Variants in AFG1L observed in about 807,000 individuals in gnomAD.
The protein encoded by AFG1L is AFG1 like ATPase, also known as AFG1-like ATPase.
A neutral mutation model predicts 62.2 loss-of-function variants in AFG1L; 53 were observed. That is an observed-to-expected ratio of 0.85 (90% CI 0.68 to 1.07). The LOEUF (loss-of-function observed/expected upper bound fraction) is 1.07. Among genes scored for constraint, AFG1L ranks in the 50% least tolerant of loss-of-function variants. The pLI is 0.00. For missense variants in AFG1L, 555 were observed against 590.5 expected (o/e 0.94, Z 0.62); for synonymous variants, 228 against 210.3 (o/e 1.08, Z -0.73).
intron 3 of AFG1L, among the ~76,000 whole-genome samples, chr6:108,351,006 G>A (rs1051071116): frequency 1.3e-5 from 2 of 152,204 alleles, no homozygotes; most frequent in African/African-American, 4.8e-5. Flanking sequence ...ACTGTAGGCA[G>A]TTGTAACGCT....
intron 10 of AFG1L, among the ~76,000 whole-genome samples, chr6:108,497,959 C>T (rs986903031): frequency 6.6e-6 from 1 of 152,136 alleles, no homozygotes; most frequent in Non-Finnish European, 1.5e-5. Context: ...TGGGGGAGTT[C>T]TTTGGATCTC....
At chr6:108,433,523 G>T (rs1027248350) in intron 7 of AFG1L, among the ~76,000 whole-genome samples, 9 of 151,886 alleles carry the variant, frequency 5.9e-5, no homozygotes, top group African/African-American at 1.7e-4. Flanking sequence ...CTGACCTTAG[G>T]TAATCCACCC....
At chr6:108,463,620 G>T (rs1245957907) in intron 8 of AFG1L, among the ~76,000 whole-genome samples, 1 of 152,044 alleles carries the variant, frequency 6.6e-6, no homozygotes, top group Admixed American at 6.6e-5. Context: ...GAGAGCTAAG[G>T]GTGCTAGATA....
intron 2 of AFG1L, among the ~76,000 whole-genome samples, chr6:108,328,895 C>G (rs190488741): frequency 1.3e-3 from 202 of 152,198 alleles, no homozygotes; most frequent in African/African-American, 4.6e-3. Flanking sequence ...TAGTGAATAA[C>G]CCTGGTTTTA....
chr6:108,475,705 C>T (rs753899122), intron 8 of AFG1L, among the ~76,000 whole-genome samples: 4 of 152,152 alleles, frequency 2.6e-5, no homozygotes, highest in Non-Finnish European at 5.9e-5. Flanking sequence ...GTGGTTATTA[C>T]TTGGAATGTG....
intron 10 of AFG1L, 137 bp from the exon 11 acceptor site, chr6:108,510,075 G>T: frequency 1.7e-6 from 1 of 585,864 alleles, no homozygotes; most frequent in Non-Finnish European, 2.9e-6. Flanking sequence ...ACTGCCTATG[G>T]GTAACTTGGT....
At chr6:108,321,386 C>T (rs1562473158) in intron 1 of AFG1L, among the ~76,000 whole-genome samples, 1 of 152,146 alleles carries the variant, frequency 6.6e-6, no homozygotes, top group Non-Finnish European at 1.5e-5. Flanking sequence ...CAGAAGTTCT[C>T]CAAGTCTCCT....
In AFG1L at chr6:108,382,686, G is replaced by A. The variant is rs74665125; in HGVS notation, c.748+16354G>A. 6.1e-3 allele frequency among the ~76,000 whole-genome samples: 932 copies of A among 152,262 alleles called. 10 individuals carry two copies. The highest frequency in any genetic ancestry group is 0.021 in the African/African-American group (867 of 41,546). Reference sequence around the variant, plus strand: ...TAAAAAGTCTGAATTATGCTTAGCAGGGAAACTATGGAGGCATTTCTGTCA... The same window carrying A: ...TAAAAAGTCTGAATTATGCTTAGCAAGGAAACTATGGAGGCATTTCTGTCA... On this transcript the variant is annotated intron_variant, in intron 6 of 12. Coordinates refer to ENST00000368977, the MANE Select transcript of AFG1L (RefSeq NM_145315.5).
intron 8 of AFG1L, among the ~76,000 whole-genome samples, chr6:108,449,748 C>A (rs193109811): frequency 2.1e-3 from 318 of 152,114 alleles, no homozygotes; most frequent in African/African-American, 7.4e-3. Flanking sequence ...CTATCCCTTC[C>A]CCCTCTCCCC....
intron 7 of AFG1L, among the ~76,000 whole-genome samples, chr6:108,442,989 G>A (rs1177230012): frequency 6.6e-6 from 1 of 152,184 alleles, no homozygotes; most frequent in Non-Finnish European, 1.5e-5. Flanking sequence ...AACCCAGGAT[G>A]CACTTTCAGG....
Position 108,323,888 on chromosome 6 carries a change from C to G in AFG1L, c.203C>G (p.Ala68Gly), listed in dbSNP as rs777147675. 1 of 1,614,138 alleles carries G rather than the reference C, an allele frequency of 6.2e-7. No homozygotes were observed. Residue 68 changes from alanine to glycine, a missense_variant, in exon 2 of 13, where the codon GCT (alanine) becomes GGT (glycine). Coordinates refer to ENST00000368977, the MANE Select transcript of AFG1L (RefSeq NM_145315.5). ...GCCACTTCAGAGACTTATTTGAAAG[C>G]TTTGGCCGTTTGCCATGGACCTCTG... The part of the protein sequence containing the change: ...PTATSETYLK[A>G]LAVCHGPLDH...
At chr6:108,317,887 G>A (rs1777664874) in intron 1 of AFG1L, among the ~76,000 whole-genome samples, 1 of 152,166 alleles carries the variant, frequency 6.6e-6, no homozygotes, top group Non-Finnish European at 1.5e-5. Flanking sequence ...TCATAGTTTT[G>A]TAAAGACAGT....
chr6:108,327,133 T>A (rs1410779002), intron 2 of AFG1L, among the ~76,000 whole-genome samples: 3 of 152,252 alleles, frequency 2.0e-5, no homozygotes, highest in Non-Finnish European at 2.9e-5. Context: ...GTAATTTTAC[T>A]TTTTAATAAA....
chr6:108,420,423 A>AT (rs1403196401), intron 7 of AFG1L, among the ~76,000 whole-genome samples: 1 of 148,132 alleles, frequency 6.8e-6, no homozygotes, highest in East Asian at 2.0e-4. Context: ...AAAAAATAAA[A>AT]ATATATTTAA....
At chr6:108,394,011 T>C (rs1582505186) in intron 6 of AFG1L, among the ~76,000 whole-genome samples, 1 of 151,976 alleles carries the variant, frequency 6.6e-6, no homozygotes, top group African/African-American at 2.4e-5. Context: ...TCTTCTTTCT[T>C]TCTCTCTCTG....
intron 2 of AFG1L, among the ~76,000 whole-genome samples, chr6:108,340,911 A>G (rs1778657040): frequency 6.6e-6 from 1 of 152,186 alleles, no homozygotes; most frequent in Non-Finnish European, 1.5e-5. Context: ...TTTATGAAGA[A>G]GTAGGAGACA....
At chr6:108,485,215 A>C (rs1773491940) in intron 10 of AFG1L, among the ~76,000 whole-genome samples, 1 of 152,178 alleles carries the variant, frequency 6.6e-6, no homozygotes, top group Non-Finnish European at 1.5e-5. Context: ...TGCACATTTT[A>C]AGCTCTGCAA....
At chr6:108,369,942 G>A (rs201713535) in intron 6 of AFG1L, among the ~76,000 whole-genome samples, 2,804 of 99,788 alleles carry the variant, frequency 0.028, 48 homozygotes, top group Admixed American at 0.091. Flanking sequence ...CTGGCTGGCT[G>A]GCTGGCTATC....
intron 1 of AFG1L, among the ~76,000 whole-genome samples, chr6:108,300,310 C>T (rs1374011787): frequency 6.6e-6 from 1 of 152,046 alleles, no homozygotes; most frequent in Non-Finnish European, 1.5e-5. Context: ...CACCACTGCC[C>T]AGCTAATTTT....
Sources: allele counts gnomAD v4.1 joint callset (sites outside exome capture counted in the v4.1 genomes callset), GRCh38; gene constraint gnomAD v4.1.1; transcripts MANE v1.5; gene names NCBI Gene and HGNC (gene_info 2026-07-23, HGNC 2026-07-21).